Variants in NGEF observed in about 807,000 individuals in gnomAD.
NGEF encodes the protein neuronal guanine nucleotide exchange factor.
A neutral mutation model predicts 80.9 loss-of-function variants in NGEF; 31 were observed. The observed-to-expected ratio is 0.38, with a 90% CI of 0.29 to 0.52. The LOEUF is 0.52. Ranked by LOEUF, NGEF falls within the 20% of genes least tolerant of loss-of-function variation. The pLI is 0.84. For missense variants in NGEF, 709 were observed against 926.2 expected, an observed-to-expected ratio of 0.77 and a Z score of 3.04; for synonymous variants, 371 against 370.2, an observed-to-expected ratio of 1.00 and a Z score of -0.03.
At chr2:232,970,125 C>G in intron 3 of NGEF, 89 bp downstream of exon 3, 1 of 576,912 alleles carries the variant, frequency 1.7e-6, no homozygotes, top group East Asian at 3.2e-5. Context: ...TTTAACATGA[C>G]ACCCTCGTAA....
intron 14 of NGEF, among the ~76,000 whole-genome samples, 160 bp from the exon 15 acceptor site, chr2:232,879,839 C>T (rs1691431657): frequency 6.6e-6 from 1 of 152,226 alleles, no homozygotes; most frequent in Non-Finnish European, 1.5e-5. Context: ...CCGAGATGCT[C>T]AGACTGGAGT....
intron 1 of NGEF, among the ~76,000 whole-genome samples, chr2:232,982,203 T>C (rs1266703272): frequency 2.0e-5 from 3 of 152,016 alleles, no homozygotes; most frequent in Admixed American, 2.0e-4. Context: ...TGAAACATCA[T>C]CAATCTCTCC....
intron 5 of NGEF, among the ~76,000 whole-genome samples, chr2:232,900,631 GTCAC>G (rs1406676246): frequency 2.5e-5 from 2 of 80,764 alleles, no homozygotes; most frequent in Admixed American, 1.3e-4. Context: ...CGCTCTCACA[GTCAC>G]TCATATACAC....
At chr2:232,995,619 G>A (rs1212850433) in intron 1 of NGEF, among the ~76,000 whole-genome samples, 3 of 4,522 alleles carry the variant, frequency 6.6e-4, no homozygotes, top group African/African-American at 1.6e-3. Context: ...GTATGTATAC[G>A]TATGTATACT....
chr2:232,927,150 G>A lies in NGEF; in HGVS notation c.420C>T (p.Pro140=), dbSNP rs775284441. 10 of 1,604,918 alleles carry A rather than the reference G, an allele frequency of 6.2e-6. No individual in the cohort carries two copies. Among genetic ancestry groups the A allele is most frequent in the Middle Eastern group, 1.8e-4 (1 of 5,712 alleles). Residue 140 remains proline (P), a synonymous_variant, in exon 4 of 15, where the codon CCC becomes CCT. Transcript: ENST00000264051. ...TGTCGGCCAGGGCCGGCCACTCCTC[G>A]GGCGTGGCCCCATTTCCCGGGGTGG... ...SSSTPGNGAT[P]EEWPALADSP... is the part of the protein sequence containing the mutation.
intron 5 of NGEF, among the ~76,000 whole-genome samples, chr2:232,912,344 G>A (rs2106267651): frequency 6.6e-6 from 1 of 152,072 alleles, no homozygotes; most frequent in South Asian, 2.1e-4. Flanking sequence ...AACTAACCTT[G>A]CATTCCCAGG....
chr2:232,906,131 C>T (rs1692520020), intron 5 of NGEF, among the ~76,000 whole-genome samples: 1 of 88,358 alleles, frequency 1.1e-5, no homozygotes, highest in African/African-American at 4.0e-5. Context: ...GGGTCTCAGC[C>T]CCCCGCCCGG....
rs538708533 is a variant in NGEF, at chr2:232,987,003, C to T, written c.-74-12039G>A. Among the ~76,000 whole-genome samples, 9 of 152,162 alleles carry T rather than the reference C, an allele frequency of 5.9e-5. No homozygotes were observed. In the South Asian group the frequency reaches 1.9e-3, roughly 32 times the overall value. ...ATCAAGTGTTGGAGGCATTGTAAGACACAGAGCAGGACTCTTTCTTTCTTT... is the reference window on the plus strand; with the variant it reads ...ATCAAGTGTTGGAGGCATTGTAAGATACAGAGCAGGACTCTTTCTTTCTTT... On this transcript the variant is annotated intron_variant, in intron 1 of 14. Coordinates refer to ENST00000264051, the MANE Select transcript of NGEF (RefSeq NM_019850.3).
At chr2:233,001,143 C>G (rs1694969118) in intron 1 of NGEF, among the ~76,000 whole-genome samples, 4 of 152,192 alleles carry the variant, frequency 2.6e-5, no homozygotes, top group Admixed American at 2.0e-4. Flanking sequence ...CAGGAGGAAT[C>G]AACCCAGAGG....
intron 3 of NGEF, among the ~76,000 whole-genome samples, chr2:232,927,409 A>G (rs535956787): frequency 6.6e-6 from 1 of 152,044 alleles, no homozygotes; most frequent in East Asian, 2.0e-4. Flanking sequence ...GCATTTCCAC[A>G]CCAGCCCGCC....
intron 1 of NGEF, among the ~76,000 whole-genome samples, chr2:233,002,252 C>T (rs892309026): frequency 2.6e-5 from 4 of 152,016 alleles, no homozygotes; most frequent in African/African-American, 4.8e-5. Context: ...AGAAAAAAAC[C>T]CAGTTAGCAC....
chr2:232,883,191 G>T, intron 12 of NGEF, 120 bp downstream of exon 12: 1 of 1,247,060 alleles, frequency 8.0e-7, no homozygotes. Flanking sequence ...GGATGGGCAG[G>T]TCGGCTCCAC....
chr2:232,945,502 C>CAGACAT (rs1559218930), intron 3 of NGEF, among the ~76,000 whole-genome samples: 1 of 148,830 alleles, frequency 6.7e-6, no homozygotes, highest in Non-Finnish European at 1.5e-5. Context: ...GACACAGACA[C>CAGACAT]AGAGAAAGGA....
At chr2:232,889,728 A>G (rs182127954) in intron 8 of NGEF, among the ~76,000 whole-genome samples, 18 of 152,220 alleles carry the variant, frequency 1.2e-4, no homozygotes, top group Non-Finnish European at 2.9e-5. Flanking sequence ...TCGTATCTCC[A>G]TTAGCCCTGG....
intron 1 of NGEF, among the ~76,000 whole-genome samples, chr2:233,011,083 T>C (rs893121560): frequency 1.3e-5 from 2 of 152,022 alleles, no homozygotes; most frequent in Non-Finnish European, 2.9e-5. Context: ...ATCACCGTTG[T>C]TGGGGTGAGA....
chr2:232,943,082 G>A (rs1405922409), intron 3 of NGEF, among the ~76,000 whole-genome samples: 2 of 151,904 alleles, frequency 1.3e-5, no homozygotes, highest in Non-Finnish European at 2.9e-5. Flanking sequence ...TATTTGTCAC[G>A]GAGTCAGTGG....
chr2:232,955,392 G>A (rs1185375430), intron 3 of NGEF, among the ~76,000 whole-genome samples: 1 of 152,096 alleles, frequency 6.6e-6, no homozygotes, highest in African/African-American at 2.4e-5. Context: ...TCAGCTTTTT[G>A]CTATTGTCTG....
intron 4 of NGEF, 137 bp from the exon 5 acceptor site, chr2:232,920,722 A>T (rs1692924396): frequency 1.5e-6 from 1 of 688,940 alleles, no homozygotes; most frequent in Admixed American, 3.8e-5. Flanking sequence ...CCAGCCCTGC[A>T]CCCATCTCAG....
intron 5 of NGEF, among the ~76,000 whole-genome samples, chr2:232,906,432 T>C (rs59702614): frequency 0.74 from 26,610 of 36,200 alleles, 10,483 homozygotes; most frequent in African/African-American, 0.75. Context: ...CCACCCCGTC[T>C]GGGAGGTGAG....
Sources: gnomAD v4.1 joint callset for allele counts (sites outside exome capture counted in the v4.1 genomes callset) on GRCh38, gnomAD v4.1.1 for gene constraint, MANE v1.5 for transcripts, NCBI Gene and HGNC (gene_info 2026-07-23, HGNC 2026-07-21) for gene names.